VWA3B: variants seen among roughly 807,000 people sequenced by gnomAD.
VWA3B encodes the protein von Willebrand factor A domain containing 3B.
VWA3B carries 138 observed loss-of-function variants against 158.3 expected under a neutral mutation model. The observed-to-expected ratio is 0.87, with a 90% CI of 0.76 to 1.00. The LOEUF (loss-of-function observed/expected upper bound fraction) is 1.00. Among genes scored for constraint, VWA3B ranks in the 50% least tolerant of loss-of-function variants. The pLI, the probability that VWA3B is intolerant of heterozygous loss-of-function variation, is 0.00. For synonymous variants in VWA3B, 596 were observed against 587.3 expected, an observed-to-expected ratio of 1.01 and a Z score of -0.21; for missense variants, 1,555 against 1,565.1, an observed-to-expected ratio of 0.99 and a Z score of 0.11.
chr2:98,150,346 C>T (rs577862590), intron 7 of VWA3B, among the ~76,000 whole-genome samples: 4 of 152,324 alleles, frequency 2.6e-5, no homozygotes, highest in East Asian at 1.9e-4. Context: ...ACTCTGACAA[C>T]GTGAGCCGCT....
chr2:98,131,466 G>A (rs1675867019), intron 6 of VWA3B, among the ~76,000 whole-genome samples: 1 of 152,164 alleles, frequency 6.6e-6, no homozygotes, highest in South Asian at 2.1e-4. Flanking sequence ...TAAATACCTG[G>A]TAGTGGGATT....
chr2:98,234,816 G>A, intron 17 of VWA3B, 49 bp downstream of exon 17: 1 of 1,612,162 alleles, frequency 6.2e-7, no homozygotes, highest in Non-Finnish European at 8.5e-7. Flanking sequence ...TTTCCACAGT[G>A]TATCTGTTCC....
chr2:98,103,010 C>A (rs1683192745), intron 2 of VWA3B, among the ~76,000 whole-genome samples: 1 of 152,212 alleles, frequency 6.6e-6, no homozygotes, highest in African/African-American at 2.4e-5. Context: ...TTTTCCTCAA[C>A]AGTATTTTCT....
At chr2:98,320,800 G>T in the VWA3B span, among the ~76,000 whole-genome samples, 1 of 152,204 alleles carries the variant, frequency 6.6e-6, no homozygotes, top group African/African-American at 2.4e-5. Flanking sequence ...GCAGCCCAAT[G>T]ATGCAATAGG....
chr2:98,092,567 T>C (rs1022520727), intron 1 of VWA3B, among the ~76,000 whole-genome samples: 2 of 151,860 alleles, frequency 1.3e-5, no homozygotes, highest in Non-Finnish European at 2.9e-5. Flanking sequence ...TGCTTGAACC[T>C]GGGAGGTGGA....
intron 26 of VWA3B, among the ~76,000 whole-genome samples, chr2:98,307,587 C>T (rs770531330): frequency 3.9e-5 from 6 of 152,190 alleles, no homozygotes; most frequent in Non-Finnish European, 7.3e-5. Context: ...TTCTTTATTA[C>T]GGTTAGCAGA....
intron 12 of VWA3B, chr2:98,207,580 G>T (rs538944421): frequency 3.9e-5 from 20 of 517,980 alleles, no homozygotes; most frequent in South Asian, 1.7e-4. Flanking sequence ...AGGTCATATG[G>T]GGAAGTCAGT....
intron 22 of VWA3B, among the ~76,000 whole-genome samples, chr2:98,290,001 A>T (rs898878499): frequency 3.9e-5 from 6 of 152,208 alleles, no homozygotes; most frequent in Non-Finnish European, 8.8e-5. Context: ...TAGTACAGGG[A>T]TATTCTGTAA....
At position 98,312,882 on chromosome 2, in the gene VWA3B, G is replaced by A. The variant is rs1354636429; in HGVS notation, c.*533G>A. 6.6e-6 allele frequency: 1 copy of A among 152,562 alleles called. No individual in the cohort carries two copies. Among genetic ancestry groups the A allele is most frequent in the Admixed American group, 6.5e-5 (1 of 15,306 alleles). The allele number at this position is 152,562 out of a possible 1,614,324, so 9.5% of individuals were successfully genotyped here. ...TAATTATTTTTGTCTATAGTCTGTT[G>A]TAGGTAACTCTAATTGAGCCCGAAA... On this transcript the variant is annotated 3_prime_UTR_variant, in exon 28 of 28. Coordinates refer to ENST00000477737, the MANE Select transcript of VWA3B (RefSeq NM_144992.5).
intron 26 of VWA3B, among the ~76,000 whole-genome samples, chr2:98,306,200 C>G (rs565533006): frequency 1.3e-5 from 2 of 152,052 alleles, no homozygotes; most frequent in South Asian, 4.2e-4. Flanking sequence ...CCCTAGCCCC[C>G]CCAGGTAGTG....
At chr2:98,272,906 T>A (rs1413072885) in intron 22 of VWA3B, among the ~76,000 whole-genome samples, 1 of 152,332 alleles carries the variant, frequency 6.6e-6, no homozygotes, top group East Asian at 1.9e-4. Flanking sequence ...TGTTGTACAC[T>A]CTTTCTATCC....
intron 8 of VWA3B, among the ~76,000 whole-genome samples, chr2:98,168,743 G>A (rs1033733376): frequency 2.0e-5 from 3 of 152,160 alleles, no homozygotes; most frequent in African/African-American, 7.2e-5. Flanking sequence ...CGCAGGAAAA[G>A]AGATGAGTGG....
chr2:98,149,168 A>G (rs1272389672), intron 7 of VWA3B, among the ~76,000 whole-genome samples: 1 of 152,240 alleles, frequency 6.6e-6, no homozygotes, highest in Non-Finnish European at 1.5e-5. Flanking sequence ...ATTGAGCTGT[A>G]TCAGCAGTTT....
At chr2:98,170,898 C>A (rs1558631235) in intron 8 of VWA3B, among the ~76,000 whole-genome samples, 1 of 152,184 alleles carries the variant, frequency 6.6e-6, no homozygotes, top group Non-Finnish European at 1.5e-5. Flanking sequence ...AGCCACCGTG[C>A]CCGACCAGAA....
At chr2:98,325,081 A>C in the VWA3B span, among the ~76,000 whole-genome samples, 1 of 152,234 alleles carries the variant, frequency 6.6e-6, no homozygotes, top group Non-Finnish European at 1.5e-5. Flanking sequence ...TCCGAGTTTT[A>C]AGATGAGAAG....
At chr2:98,285,297 A>G (rs555769012) in intron 22 of VWA3B, among the ~76,000 whole-genome samples, 1 of 152,176 alleles carries the variant, frequency 6.6e-6, no homozygotes, top group Non-Finnish European at 1.5e-5. Flanking sequence ...ATAATATTCC[A>G]TTGTATGGAT....
At chr2:98,265,462 G>T (rs1354552045) in intron 21 of VWA3B, among the ~76,000 whole-genome samples, 1 of 151,970 alleles carries the variant, frequency 6.6e-6, no homozygotes, top group Non-Finnish European at 1.5e-5. Flanking sequence ...ATTTGGGTTG[G>T]TTCCAAGTCT....
chr2:98,260,315 G>A (rs924121781), intron 21 of VWA3B, among the ~76,000 whole-genome samples: 3 of 151,470 alleles, frequency 2.0e-5, no homozygotes, highest in African/African-American at 2.4e-5. Flanking sequence ...AAAGTGAGGC[G>A]TTGAAGTCTC....
intron 2 of VWA3B, among the ~76,000 whole-genome samples, chr2:98,102,011 G>A (rs1683110899): frequency 6.6e-6 from 1 of 152,162 alleles, no homozygotes; most frequent in South Asian, 2.1e-4. Context: ...CTAGGCAGAG[G>A]TCCCTGCGGC....
Sources: gnomAD v4.1 joint callset for allele counts (sites outside exome capture counted in the v4.1 genomes callset) on GRCh38, gnomAD v4.1.1 for gene constraint, MANE v1.5 for transcripts, NCBI Gene and HGNC (gene_info 2026-07-23, HGNC 2026-07-21) for gene names.